Variants in CNTLN observed in about 807,000 individuals in gnomAD.
The protein encoded by CNTLN is centlein, also known as centlein, centrosomal protein.
Under a neutral mutation model 180.0 loss-of-function variants are expected in CNTLN, and 212 were observed. The observed-to-expected ratio is 1.18, with a 90% CI of 1.05 to 1.32. CNTLN has a LOEUF of 1.32. Among genes scored for constraint, CNTLN ranks in the 40% most tolerant of loss-of-function variants. The probability of loss-of-function intolerance (pLI) is 0.00; values close to 1 mark genes in which losing one functional copy is unlikely to be tolerated. For synonymous variants in CNTLN, 722 were observed against 563.1 expected (o/e 1.28, Z -3.99); for missense variants, 2,095 against 1,610.9 (o/e 1.30, Z -5.14).
At chr9:17,390,847 C>T (rs1212366739) in intron 14 of CNTLN, among the ~76,000 whole-genome samples, 1 of 151,882 alleles carries the variant, frequency 6.6e-6, no homozygotes, top group Non-Finnish European at 1.5e-5. Flanking sequence ...TAATTTTGAC[C>T]AGTTCTCATG....
chr9:17,310,298 T>C (rs1342260915), intron 8 of CNTLN, among the ~76,000 whole-genome samples: 1 of 152,152 alleles, frequency 6.6e-6, no homozygotes, highest in Non-Finnish European at 1.5e-5. Context: ...GGAAACAGTT[T>C]ATTGTTTAGT....
intron 19 of CNTLN, 123 bp from the exon 20 acceptor site, chr9:17,462,793 A>T: frequency 4.8e-6 from 2 of 416,734 alleles, no homozygotes; most frequent in Non-Finnish European, 8.7e-6. Context: ...TAAAATATTC[A>T]TTTTAATTAT....
At chr9:17,514,153 T>TA in the CNTLN span, among the ~76,000 whole-genome samples, 16,157 of 145,544 alleles carry the variant, frequency 0.11, 2,535 homozygotes, top group African/African-American at 0.37. Flanking sequence ...GCAAATAGGT[T>TA]AAAAAAAAAA....
intron 2 of CNTLN, among the ~76,000 whole-genome samples, chr9:17,225,172 A>G (rs1239092970): frequency 6.6e-6 from 1 of 151,866 alleles, no homozygotes; most frequent in Non-Finnish European, 1.5e-5. Flanking sequence ...CTCTAATATA[A>G]GCCTTGGTTC....
chr9:17,410,547 G>A (rs1326351860), intron 16 of CNTLN, among the ~76,000 whole-genome samples: 1 of 152,000 alleles, frequency 6.6e-6, no homozygotes, highest in Non-Finnish European at 1.5e-5. Context: ...TTCTAATGTG[G>A]CCAAACTTAC....
intron 5 of CNTLN, among the ~76,000 whole-genome samples, chr9:17,238,687 T>G (rs1281688942): frequency 1.3e-5 from 2 of 152,222 alleles, no homozygotes; most frequent in Non-Finnish European, 2.9e-5. Flanking sequence ...ATGTAAAACT[T>G]TGGTTAAATA....
At chr9:17,349,590 C>T (rs1443410847) in intron 12 of CNTLN, among the ~76,000 whole-genome samples, 1 of 152,098 alleles carries the variant, frequency 6.6e-6, no homozygotes, top group Non-Finnish European at 1.5e-5. Flanking sequence ...TATAGAGTTT[C>T]TACCATTGAG....
At chr9:17,335,000 A>C (rs746726439) in intron 10 of CNTLN, among the ~76,000 whole-genome samples, 1 of 152,144 alleles carries the variant, frequency 6.6e-6, no homozygotes, top group African/African-American at 2.4e-5. Context: ...CCCAAAAACT[A>C]TAGAACCAGG....
chr9:17,401,880 C>T (rs968113164), intron 15 of CNTLN, among the ~76,000 whole-genome samples: 4 of 150,474 alleles, frequency 2.7e-5, no homozygotes, highest in South Asian at 2.1e-4. Flanking sequence ...AAATGACTAA[C>T]CAGAAAAAGG....
chr9:17,147,043 T>C (rs1818503916), intron 2 of CNTLN, among the ~76,000 whole-genome samples: 1 of 152,170 alleles, frequency 6.6e-6, no homozygotes, highest in Non-Finnish European at 1.5e-5. Flanking sequence ...TTGCTTTATA[T>C]AGGTATGTTG....
chr9:17,445,454 T>C (rs1484238467), intron 18 of CNTLN, among the ~76,000 whole-genome samples: 1 of 152,110 alleles, frequency 6.6e-6, no homozygotes, highest in Non-Finnish European at 1.5e-5. Context: ...CTAAGAAAAA[T>C]TCTTCTGCCT....
intron 2 of CNTLN, among the ~76,000 whole-genome samples, chr9:17,151,464 ATTGATTTGCATATGTTGAACC>A (rs1439631913): frequency 6.6e-6 from 1 of 152,134 alleles, no homozygotes; most frequent in African/African-American, 2.4e-5. Context: ...GATTACATTT[ATTGATTTGCATATGTTGAACC>A]AGCCTTGCAT....
At chr9:17,163,855 C>G (rs113568597) in intron 2 of CNTLN, among the ~76,000 whole-genome samples, 12 of 151,992 alleles carry the variant, frequency 7.9e-5, no homozygotes, top group African/African-American at 2.9e-4. Flanking sequence ...CAGTGAAACC[C>G]TGTCTCTACA....
At position 17,503,337 on chromosome 9, in the gene CNTLN, C is replaced by G. The variant is rs552855363; in HGVS notation, c.*685C>G. ...ATGTATAAAATTAGGCTCTATTTAA[C>G]AGAACTACTACTGTGGTCAGCTAAT... On this transcript the variant is annotated 3_prime_UTR_variant, in exon 26 of 26. Coordinates refer to ENST00000380647, the MANE Select transcript of CNTLN (RefSeq NM_017738.4). 4 of 152,254 alleles carry G rather than the reference C, an allele frequency of 2.6e-5. No individual in the cohort carries two copies. The South Asian group carries it at 8.3e-4, about 32-fold the overall frequency. The allele number at this position is 152,254 out of a possible 1,614,324, so 9.4% of individuals were successfully genotyped here. A position where few individuals can be genotyped will look rare whatever the true frequency, so the allele number is the denominator to read the frequency against.
At chr9:17,221,180 T>G (rs539211826) in intron 2 of CNTLN, among the ~76,000 whole-genome samples, 46 of 152,210 alleles carry the variant, frequency 3.0e-4, no homozygotes, top group Non-Finnish European at 6.3e-4. Flanking sequence ...ACTTCTGATT[T>G]TATAATGATA....
At chr9:17,509,380 C>T in the CNTLN span, among the ~76,000 whole-genome samples, 1 of 152,194 alleles carries the variant, frequency 6.6e-6, no homozygotes, top group South Asian at 2.1e-4. Flanking sequence ...CTTATTTGCA[C>T]AAAATGCTTC....
chr9:17,378,941 T>G (rs949959870), intron 13 of CNTLN, among the ~76,000 whole-genome samples: 1 of 152,170 alleles, frequency 6.6e-6, no homozygotes, highest in African/African-American at 2.4e-5. Flanking sequence ...TTTCTTAGAG[T>G]GCACATCTGC....
chr9:17,268,848 G>A (rs529684511), intron 5 of CNTLN, among the ~76,000 whole-genome samples: 4 of 151,742 alleles, frequency 2.6e-5, no homozygotes, highest in Admixed American at 1.3e-4. Context: ...AGCCAGGTGC[G>A]GGTTATAATC....
At chr9:17,344,692 G>C (rs1821740018) in intron 12 of CNTLN, among the ~76,000 whole-genome samples, 1 of 152,062 alleles carries the variant, frequency 6.6e-6, no homozygotes, top group African/African-American at 2.4e-5. Flanking sequence ...AAAACAATAA[G>C]GCATTAAATA....
Sources: gnomAD v4.1 joint callset for allele counts (sites outside exome capture counted in the v4.1 genomes callset) on GRCh38, gnomAD v4.1.1 for gene constraint, MANE v1.5 for transcripts, NCBI Gene and HGNC (gene_info 2026-07-23, HGNC 2026-07-21) for gene names.